Variants in CNTNAP2 observed in about 807,000 individuals in gnomAD.
The protein encoded by CNTNAP2 is contactin associated protein 2.
In CNTNAP2, 98 loss-of-function variants were observed where a neutral mutation model predicts 155.2. The ratio of observed to expected loss-of-function variants is 0.63; its 90% confidence interval spans 0.54 to 0.75. The LOEUF is 0.75. Among genes scored for constraint, CNTNAP2 ranks in the 30% least tolerant of loss-of-function variants. The pLI is 0.00. For synonymous variants in CNTNAP2, 651 were observed against 631.2 expected, an observed-to-expected ratio of 1.03 and a Z score of -0.47; for missense variants, 1,727 against 1,688.1, an observed-to-expected ratio of 1.02 and a Z score of -0.40.
intron 1 of CNTNAP2, among the ~76,000 whole-genome samples, chr7:146,436,959 A>G (rs1622244): frequency 0.037 from 5,590 of 151,404 alleles, 583 homozygotes; most frequent in African/African-American, 0.13. Flanking sequence ...TATAAATTAT[A>G]ATTCTAAACC....
chr7:146,858,432 G>A (rs1795034912), intron 3 of CNTNAP2, among the ~76,000 whole-genome samples: 1 of 152,204 alleles, frequency 6.6e-6, no homozygotes, highest in Non-Finnish European at 1.5e-5. Context: ...CGTGGCTCAT[G>A]CCTGTAATCC....
In CNTNAP2 at chr7:146,705,194, T is replaced by C. The variant is rs141375760; in HGVS notation, c.98-69077T>C. 4.5e-3 allele frequency among the ~76,000 whole-genome samples: 689 copies of C among 152,238 alleles called. 7 individuals are homozygous for C. The highest frequency in any genetic ancestry group is 0.016 in the African/African-American group (652 of 41,550). On this transcript the variant is annotated intron_variant, in intron 1 of 23. Transcript: ENST00000361727. ...TTGACCAGTGCCTCAGTATATTAAC[T>C]TGCATCATCAGTTTGAATAGGGCAG...
chr7:147,792,100 A>G (rs2116574554), intron 13 of CNTNAP2, among the ~76,000 whole-genome samples: 1 of 152,288 alleles, frequency 6.6e-6, no homozygotes, highest in South Asian at 2.1e-4. Context: ...GTGCCCCTTC[A>G]CCTGCAGCCT....
chr7:147,181,602 T>C (rs1319069168), intron 8 of CNTNAP2, among the ~76,000 whole-genome samples: 1 of 152,182 alleles, frequency 6.6e-6, no homozygotes, highest in Non-Finnish European at 1.5e-5. Flanking sequence ...AACTGTTTTG[T>C]TTTTAAGCAG....
intron 11 of CNTNAP2, among the ~76,000 whole-genome samples, chr7:147,527,849 A>T (rs1799354715): frequency 1.3e-5 from 2 of 152,230 alleles, no homozygotes; most frequent in African/African-American, 2.4e-5. Flanking sequence ...GAGAAGGATT[A>T]TTTGGGAGGT....
chr7:147,408,624 G>C (rs1446786972), intron 10 of CNTNAP2, among the ~76,000 whole-genome samples: 1 of 152,176 alleles, frequency 6.6e-6, no homozygotes, highest in Non-Finnish European at 1.5e-5. Context: ...CAGGCGTGGT[G>C]GCGGGCGCCT....
At chr7:146,818,086 A>C (rs893321030) in intron 2 of CNTNAP2, among the ~76,000 whole-genome samples, 11 of 151,970 alleles carry the variant, frequency 7.2e-5, no homozygotes, top group African/African-American at 2.4e-4. Context: ...ATTTTTCCTC[A>C]TTTGTTTATA....
intron 21 of CNTNAP2, among the ~76,000 whole-genome samples, chr7:148,355,166 C>CCTTTTT (rs1798489905): frequency 2.4e-5 from 1 of 41,024 alleles, no homozygotes; most frequent in Non-Finnish European, 4.1e-5. Flanking sequence ...CCGCCAGCTG[C>CCTTTTT]TTTTTTTTTT....
intron 9 of CNTNAP2, among the ~76,000 whole-genome samples, chr7:147,322,753 T>G (rs1795376243): frequency 1.4e-5 from 2 of 142,640 alleles, no homozygotes; most frequent in African/African-American, 5.4e-5. Flanking sequence ...CAATTTCAGC[T>G]CCTGTTATTG....
chr7:147,496,362 A>G (rs1483921558), intron 11 of CNTNAP2, among the ~76,000 whole-genome samples: 1 of 152,138 alleles, frequency 6.6e-6, no homozygotes, highest in East Asian at 1.9e-4. Flanking sequence ...ATGGGCTCTC[A>G]GTTATTTCTG....
intron 13 of CNTNAP2, among the ~76,000 whole-genome samples, chr7:147,678,505 T>G (rs2116976466): frequency 6.6e-6 from 1 of 152,050 alleles, no homozygotes; most frequent in Non-Finnish European, 1.5e-5. Context: ...TAATACTGTC[T>G]TAACTGACTA....
chr7:146,826,479 C>T (rs1169296684), intron 2 of CNTNAP2, among the ~76,000 whole-genome samples: 2 of 152,040 alleles, frequency 1.3e-5, no homozygotes, highest in South Asian at 2.1e-4. Flanking sequence ...CAAGATTCCC[C>T]ACCTCTCATG....
chr7:147,456,562 A>G (rs879414137), intron 10 of CNTNAP2, among the ~76,000 whole-genome samples: 2 of 152,172 alleles, frequency 1.3e-5, no homozygotes, highest in Admixed American at 6.5e-5. Flanking sequence ...TGTGCCTAGA[A>G]CAATGAGATT....
chr7:146,906,289 T>G (rs1796124318), intron 3 of CNTNAP2, among the ~76,000 whole-genome samples: 1 of 152,156 alleles, frequency 6.6e-6, no homozygotes, highest in Non-Finnish European at 1.5e-5. Context: ...TGGAACTGGG[T>G]GGAGCCCACC....
At chr7:146,386,365 A>G (rs936367092) in intron 1 of CNTNAP2, among the ~76,000 whole-genome samples, 4 of 152,042 alleles carry the variant, frequency 2.6e-5, no homozygotes, top group Non-Finnish European at 4.4e-5. Flanking sequence ...ACTTCACATT[A>G]TGTTTTATGT....
chr7:146,208,050 G>A (rs1021447354), intron 1 of CNTNAP2, among the ~76,000 whole-genome samples: 5 of 151,970 alleles, frequency 3.3e-5, no homozygotes, highest in African/African-American at 1.2e-4. Context: ...CCACAATTCA[G>A]TAAATACATA....
chr7:148,123,144 A>T (rs532551919), intron 16 of CNTNAP2, among the ~76,000 whole-genome samples: 3 of 152,202 alleles, frequency 2.0e-5, no homozygotes, highest in Admixed American at 6.5e-5. Context: ...CCCAACAGAG[A>T]GGTCTCAGAA....
chr7:148,205,115 G>T (rs1048080638), intron 18 of CNTNAP2, among the ~76,000 whole-genome samples: 1 of 152,156 alleles, frequency 6.6e-6, no homozygotes, highest in Non-Finnish European at 1.5e-5. Context: ...CTAAAACCGC[G>T]AATTAAAATG....
intron 15 of CNTNAP2, among the ~76,000 whole-genome samples, chr7:148,109,369 T>TG (rs1420160373): frequency 6.9e-6 from 1 of 144,050 alleles, no homozygotes; most frequent in South Asian, 2.3e-4. Context: ...TTTTGTTTTG[T>TG]TTTGTTTTGT....
Sources: allele counts gnomAD v4.1 joint callset (sites outside exome capture counted in the v4.1 genomes callset), GRCh38; gene constraint gnomAD v4.1.1; transcripts MANE v1.5; gene names NCBI Gene and HGNC (gene_info 2026-07-23, HGNC 2026-07-21).